Variants in NRF1 observed in about 807,000 individuals in gnomAD.
NRF1 encodes the protein alpha palindromic-binding protein.
In NRF1, 5 loss-of-function variants were observed where a neutral mutation model predicts 58.5. That is an observed-to-expected ratio of 0.09 (90% CI 0.04 to 0.18). The LOEUF (loss-of-function observed/expected upper bound fraction) is 0.18, where lower values mean the gene tolerates loss of function less well. NRF1 is among the 10% of genes least tolerant of loss of function. NRF1 has a pLI of 1.00. For missense variants in NRF1, 288 were observed against 657.7 expected, an observed-to-expected ratio of 0.44 and a Z score of 6.15; for synonymous variants, 224 against 246.7, an observed-to-expected ratio of 0.91 and a Z score of 0.86.
intron 3 of NRF1, 91 bp from the exon 4 acceptor site, chr7:129,677,541 C>G: frequency 8.5e-7 from 1 of 1,175,316 alleles, no homozygotes; most frequent in Non-Finnish European, 1.2e-6. Flanking sequence ...CATATCTGAT[C>G]AGAATAAACT....
intron 10 of NRF1, among the ~76,000 whole-genome samples, chr7:129,732,678 C>T (rs930631919): frequency 6.6e-6 from 1 of 152,074 alleles, no homozygotes; most frequent in African/African-American, 2.4e-5. Context: ...TCTCAGCTCA[C>T]CGCAACCTCT....
intron 2 of NRF1, among the ~76,000 whole-genome samples, chr7:129,658,605 A>G (rs1455089077): frequency 6.6e-6 from 1 of 152,074 alleles, no homozygotes; most frequent in Admixed American, 6.6e-5. Context: ...TGAAAAAAAA[A>G]AAAAAAAGGA....
In NRF1 at chr7:129,673,245, GGA is replaced by G. The variant is rs1251719319; in HGVS notation, c.338+1708_338+1709del. On this transcript the variant is annotated intron_variant, in intron 3 of 10. Transcript: ENST00000393232. ...TTGGAATAGCTTTAAGAGAGAATAG[GGA>G]GAGAGGAATTGGAGACAGTGAATAT... Among the ~76,000 whole-genome samples, 12 of 152,218 alleles carry G rather than the reference GGA, an allele frequency of 7.9e-5. No individual in the cohort carries two copies. The East Asian group carries it at 2.3e-3, about 29-fold the overall frequency.
At chr7:129,742,793 TTTTAGAGCTGTGCTC>T (rs1803879273) in intron 10 of NRF1, among the ~76,000 whole-genome samples, 1 of 152,132 alleles carries the variant, frequency 6.6e-6, no homozygotes, top group African/African-American at 2.4e-5. Flanking sequence ...TCTGGAAAGG[TTTTAGAGCTGTGCTC>T]TGGCTATTTA....
chr7:129,625,526 A>G (rs1800893195), intron 1 of NRF1, among the ~76,000 whole-genome samples: 1 of 151,952 alleles, frequency 6.6e-6, no homozygotes, highest in Non-Finnish European at 1.5e-5. Flanking sequence ...TTTTAGAAAC[A>G]GTCTCTTTCT....
intron 1 of NRF1, among the ~76,000 whole-genome samples, chr7:129,619,488 GTGTATATA>G (rs201536692): frequency 0.014 from 584 of 40,502 alleles, 2 homozygotes; most frequent in Non-Finnish European, 0.016. Flanking sequence ...GTGTGTGTGT[GTGTATATA>G]TATATATATA....
rs1803917665 is a variant in NRF1, at chr7:129,744,218, A to C, written c.1349-10800A>C. 11 of 1,547,754 alleles carry C rather than the reference A, an allele frequency of 7.1e-6. No individual in the cohort carries two copies. In the East Asian group the frequency reaches 2.7e-4, roughly 38 times the overall value. ...GCAGGTCGCAAGTGGATCCTGACTGACAAAGCCACAGGTGGGTTCATCTTT... is the reference window on the plus strand; with the variant it reads ...GCAGGTCGCAAGTGGATCCTGACTGCCAAAGCCACAGGTGGGTTCATCTTT... On this transcript the variant is annotated intron_variant, in intron 10 of 10. Coordinates refer to ENST00000393232, the MANE Select transcript of NRF1 (RefSeq NM_005011.5).
chr7:129,701,426 C>T (rs371619756), intron 5 of NRF1, among the ~76,000 whole-genome samples: 42 of 151,766 alleles, frequency 2.8e-4, no homozygotes, highest in Admixed American at 7.9e-4. Context: ...GGTGAAACCC[C>T]GTCTCTACTA....
chr7:129,664,401 A>G (rs1275329711), intron 2 of NRF1, among the ~76,000 whole-genome samples: 2 of 152,218 alleles, frequency 1.3e-5, no homozygotes, highest in Non-Finnish European at 2.9e-5. Flanking sequence ...GGAGTGGCCA[A>G]AATACTACAT....
At chr7:129,624,254 G>A (rs967340483) in intron 1 of NRF1, among the ~76,000 whole-genome samples, 9 of 152,006 alleles carry the variant, frequency 5.9e-5, no homozygotes, top group African/African-American at 2.2e-4. Flanking sequence ...CTTCATCATA[G>A]GTGGTCATAT....
chr7:129,654,530 A>G (rs1376157562), intron 1 of NRF1, among the ~76,000 whole-genome samples: 1 of 152,156 alleles, frequency 6.6e-6, no homozygotes, highest in Non-Finnish European at 1.5e-5. Flanking sequence ...CTTAAAAGTC[A>G]TTGCCATACC....
At chr7:129,698,442 G>T (rs1046166156) in intron 5 of NRF1, among the ~76,000 whole-genome samples, 16 of 152,002 alleles carry the variant, frequency 1.1e-4, no homozygotes, top group Non-Finnish European at 2.2e-4. Flanking sequence ...ATAGTGGCTG[G>T]AACTTATTCT....
chr7:129,630,777 G>C (rs1801030638), intron 1 of NRF1, among the ~76,000 whole-genome samples: 1 of 152,186 alleles, frequency 6.6e-6, no homozygotes. Context: ...AGAAGTTAAA[G>C]TGTAAAATTG....
chr7:129,659,636 T>C (rs1319430386), intron 2 of NRF1, among the ~76,000 whole-genome samples: 1 of 152,200 alleles, frequency 6.6e-6, no homozygotes, highest in African/African-American at 2.4e-5. Flanking sequence ...TCCACTGTCT[T>C]CTGGATTCCA....
chr7:129,744,905 T>C (rs1231798592), intron 10 of NRF1, among the ~76,000 whole-genome samples: 2 of 152,028 alleles, frequency 1.3e-5, no homozygotes, highest in African/African-American at 4.8e-5. Context: ...CCTGCTCAGA[T>C]AGAAGAGGCA....
intron 1 of NRF1, among the ~76,000 whole-genome samples, chr7:129,642,713 C>G (rs115119154): frequency 0.029 from 4,368 of 151,490 alleles, 214 homozygotes; most frequent in African/African-American, 0.1. Flanking sequence ...TCAGTTACCC[C>G]CAAAGAACAC....
chr7:129,725,679 A>T (rs1378039495), intron 9 of NRF1, among the ~76,000 whole-genome samples: 1 of 152,194 alleles, frequency 6.6e-6, no homozygotes, highest in Non-Finnish European at 1.5e-5. Flanking sequence ...TAATTATGAT[A>T]TTTAAAATTT....
intron 10 of NRF1, chr7:129,735,104 T>A (rs1803675444): frequency 1.0e-6 from 1 of 985,318 alleles, no homozygotes; most frequent in Non-Finnish European, 1.2e-6. Context: ...CCCCAGAGAT[T>A]TTGAAGAGCA....
chr7:129,711,707 G>C, intron 8 of NRF1, 131 bp downstream of exon 8: 1 of 659,830 alleles, frequency 1.5e-6, no homozygotes, highest in Non-Finnish European at 2.6e-6. Flanking sequence ...AAGAGCATGA[G>C]ACCATGAAAG....
Sources: allele counts gnomAD v4.1 joint callset (sites outside exome capture counted in the v4.1 genomes callset), GRCh38; gene constraint gnomAD v4.1.1; transcripts MANE v1.5; gene names NCBI Gene and HGNC (gene_info 2026-07-23, HGNC 2026-07-21).